The following ZFAND3 variants were observed in gnomAD, a reference collection of about 807,000 sequenced individuals.
ZFAND3 encodes AN1-type zinc finger protein 3.
Under a neutral mutation model 29.6 loss-of-function variants are expected in ZFAND3, and 10 were observed. The ratio of observed to expected loss-of-function variants is 0.34; its 90% CI spans 0.21 to 0.57. The LOEUF (loss-of-function observed/expected upper bound fraction) is 0.57, where lower values mean the gene tolerates loss of function less well. Among genes scored for constraint, ZFAND3 ranks in the 20% least tolerant of loss-of-function variants. The probability of loss-of-function intolerance (pLI) is 0.86; values close to 1 mark genes in which losing one functional copy is unlikely to be tolerated. For synonymous variants in ZFAND3, 128 were observed against 112.6 expected (o/e 1.14, Z -0.87); for missense variants, 230 against 304.5 (o/e 0.76, Z 1.82).
chr6:38,154,482 T>C lies in ZFAND3; in HGVS notation c.*2093T>C, dbSNP rs1484231580. On this transcript the variant is annotated 3_prime_UTR_variant, in exon 6 of 6. Transcript: ENST00000287218. ...TATCTTTAAAAGAGAAAATCTTATTTAACCCTTTTGTGTTCTAGATTTACT... is the reference window on the plus strand; with the variant it reads ...TATCTTTAAAAGAGAAAATCTTATTCAACCCTTTTGTGTTCTAGATTTACT... The C allele has an allele frequency of 3.0e-6, 3 of 984,320 alleles. No individual in the cohort carries two copies. The highest frequency in any genetic ancestry group is 3.6e-6 in the Non-Finnish European group (3 of 828,600). 61.0% of individuals were successfully genotyped at this position (984,320 alleles called of 1,614,324 possible).
intron 5 of ZFAND3, among the ~76,000 whole-genome samples, chr6:38,122,993 GA>G (rs2127487709): frequency 6.6e-6 from 1 of 152,318 alleles, no homozygotes; most frequent in South Asian, 2.1e-4. Flanking sequence ...AGAAAGGGAG[GA>G]AAAGGATTCC....
At chr6:37,857,667 G>A (rs554365434) in intron 1 of ZFAND3, among the ~76,000 whole-genome samples, 1 of 152,298 alleles carries the variant, frequency 6.6e-6, no homozygotes, top group African/African-American at 2.4e-5. Context: ...GACTTGTCGA[G>A]CAGCTTGAGA....
At chr6:37,976,606 A>AG (rs1762483135) in intron 2 of ZFAND3, among the ~76,000 whole-genome samples, 1 of 145,714 alleles carries the variant, frequency 6.9e-6, no homozygotes, top group African/African-American at 2.5e-5. Context: ...AAAAAAAAAA[A>AG]GATACTACCC....
At chr6:37,937,199 G>C (rs938801238) in intron 2 of ZFAND3, among the ~76,000 whole-genome samples, 4 of 152,180 alleles carry the variant, frequency 2.6e-5, no homozygotes, top group African/African-American at 9.7e-5. Flanking sequence ...AACAGAGTGA[G>C]TCTGACAAAT....
intron 5 of ZFAND3, among the ~76,000 whole-genome samples, chr6:38,125,165 TTCACTC>T (rs1765611785): frequency 6.6e-6 from 1 of 152,230 alleles, no homozygotes; most frequent in South Asian, 2.1e-4. Context: ...TACTCCTCCC[TTCACTC>T]TCACTGTACT....
intron 2 of ZFAND3, among the ~76,000 whole-genome samples, chr6:38,000,980 A>T (rs1762937678): frequency 6.6e-6 from 1 of 152,144 alleles, no homozygotes; most frequent in South Asian, 2.1e-4. Flanking sequence ...TGAATGAGAA[A>T]ATTATAGGCA....
intron 2 of ZFAND3, among the ~76,000 whole-genome samples, chr6:37,965,507 A>G (rs1167094666): frequency 5.3e-5 from 8 of 151,672 alleles, no homozygotes; most frequent in African/African-American, 1.9e-4. Context: ...GACATCTGAG[A>G]CCTCTGGAAT....
At chr6:37,823,979 C>T (rs570648233) in intron 1 of ZFAND3, among the ~76,000 whole-genome samples, 1 of 152,156 alleles carries the variant, frequency 6.6e-6, no homozygotes, top group African/African-American at 2.4e-5. Context: ...TTAGTAGAGA[C>T]GTGGGAGACT....
chr6:37,918,951 CTTTTTT>C (rs66941014), intron 1 of ZFAND3, among the ~76,000 whole-genome samples: 4 of 104,734 alleles, frequency 3.8e-5, no homozygotes, highest in African/African-American at 4.1e-5. Context: ...TGAAAAATGC[CTTTTTT>C]TTTTTTTTTT....
intron 2 of ZFAND3, among the ~76,000 whole-genome samples, chr6:37,982,221 A>C (rs1240026895): frequency 6.9e-6 from 1 of 145,634 alleles, no homozygotes; most frequent in Non-Finnish European, 1.5e-5. Context: ...TTTTTTTTTT[A>C]ATCTTTGTAT....
At chr6:37,892,232 A>G (rs1277752213) in intron 1 of ZFAND3, among the ~76,000 whole-genome samples, 1 of 152,238 alleles carries the variant, frequency 6.6e-6, no homozygotes, top group African/African-American at 2.4e-5. Context: ...CTCTTAAACA[A>G]TTAGCTGGTC....
chr6:38,032,048 G>T (rs1763571903), intron 2 of ZFAND3, among the ~76,000 whole-genome samples: 1 of 152,002 alleles, frequency 6.6e-6, no homozygotes, highest in African/African-American at 2.4e-5. Context: ...ACCCAGGCTG[G>T]TCTCTAACTC....
intron 1 of ZFAND3, among the ~76,000 whole-genome samples, chr6:37,829,038 T>C (rs1213072693): frequency 1.3e-5 from 2 of 152,218 alleles, no homozygotes; most frequent in Non-Finnish European, 2.9e-5. Context: ...TGTGAAACTT[T>C]GCTTGTACAT....
At chr6:38,071,461 T>C (rs1764452807) in intron 3 of ZFAND3, among the ~76,000 whole-genome samples, 1 of 152,178 alleles carries the variant, frequency 6.6e-6, no homozygotes, top group African/African-American at 2.4e-5. Context: ...AAACCATTCA[T>C]TGAATAGTCC....
chr6:38,096,450 C>T (rs1459986895), intron 4 of ZFAND3, among the ~76,000 whole-genome samples: 1 of 152,180 alleles, frequency 6.6e-6, no homozygotes, highest in Non-Finnish European at 1.5e-5. Context: ...GGATTACAGG[C>T]GTGAGCCACT....
intron 1 of ZFAND3, among the ~76,000 whole-genome samples, chr6:37,909,706 C>G (rs1265879043): frequency 6.9e-6 from 1 of 145,720 alleles, no homozygotes; most frequent in Non-Finnish European, 1.5e-5. Context: ...ATTGCTTATA[C>G]TATAGTTGTG....
intron 1 of ZFAND3, among the ~76,000 whole-genome samples, chr6:37,827,446 T>C (rs567678130): frequency 7.6e-4 from 116 of 152,358 alleles, no homozygotes; most frequent in African/African-American, 2.6e-3. Flanking sequence ...TTAGCTTTTA[T>C]GACTTTTGTG....
rs116631318 is a variant in ZFAND3 at position 38,007,235 on chromosome 6, C to G, written c.113-54358C>G. On this transcript the variant is annotated intron_variant, in intron 2 of 5. Coordinates refer to ENST00000287218, the MANE Select transcript of ZFAND3 (RefSeq NM_021943.3). ...TCATTTAACTATAAAAATTTCATCA[C>G]TGGCTGGATGCTTGGTGGCTCATGC... Among the ~76,000 whole-genome samples the G allele has an allele frequency of 6.7e-3, 1,024 of 152,248 alleles. 15 individuals carry two copies. Among genetic ancestry groups the G allele is most frequent in the African/African-American group, 0.023 (949 of 41,532 alleles).
chr6:38,015,566 G>A (rs1290745999), intron 2 of ZFAND3, among the ~76,000 whole-genome samples: 2 of 152,202 alleles, frequency 1.3e-5, no homozygotes, highest in African/African-American at 4.8e-5. Context: ...CAAGTGAATA[G>A]ATTAATTGTG....
Sources: gnomAD v4.1 joint callset for allele counts (sites outside exome capture counted in the v4.1 genomes callset) on GRCh38, gnomAD v4.1.1 for gene constraint, MANE v1.5 for transcripts, NCBI Gene and HGNC (gene_info 2026-07-23, HGNC 2026-07-21) for gene names.